Variants in WRAP73 observed in about 807,000 individuals in gnomAD.
The protein encoded by WRAP73 is WD repeat-containing protein WRAP73.
WRAP73 carries 55 observed loss-of-function variants against 59.6 expected under a neutral mutation model. That is an observed-to-expected ratio of 0.92 (90% CI 0.74 to 1.15). WRAP73 has a LOEUF of 1.15. Ranked by LOEUF, WRAP73 falls within the 50% of genes most tolerant of loss-of-function variation. The probability of loss-of-function intolerance (pLI) is 0.00; values close to 1 mark genes in which losing one functional copy is unlikely to be tolerated. For synonymous variants in WRAP73, 265 were observed against 258.2 expected (o/e 1.03, Z -0.25); for missense variants, 592 against 608.1 (o/e 0.97, Z 0.28).
Position 3,631,474 on chromosome 1 carries a change from G to A in WRAP73, c.1232C>T (p.Pro411Leu), listed in dbSNP as rs1644532112. 1 of 1,597,242 alleles carries A rather than the reference G, an allele frequency of 6.3e-7. No individual in the cohort carries two copies. The highest frequency in any genetic ancestry group is 1.3e-5 in the African/African-American group (1 of 74,664). ...CTCGGGGATGTGCTTACCTTCCCCA[G>A]GCACCTGCACCGACATGCAGCCCGC... ...SPAGCMSVQVPGEGDFAVLSL... is the reference protein window; with the variant it reads ...SPAGCMSVQVLGEGDFAVLSL... Residue 411 changes from proline (P) to leucine (L), a missense_variant, in exon 11 of 12, where the codon CCT becomes CTT. Transcript: ENST00000270708.
Position 3,631,052 on chromosome 1 carries a change from C to A in WRAP73, c.1306G>T (p.Asp436Tyr). The A allele has an allele frequency of 6.2e-7, 1 of 1,613,282 alleles. No homozygotes were observed. ...TCCAGGAAGCAGAGGCAGAAGTGAT[C>A]CTTGCTGAGGAGGGCCATCGAGTCT... ...SGDSMALLSK[D>Y]HFCLCFLETE... The change falls in exon 12 of 12, where the codon GAT becomes TAT. Residue 436 changes from aspartate (D) to tyrosine (Y), a missense_variant. Asp to Tyr is a radical substitution (Grantham distance 160). Transcript: ENST00000270708.
intron 2 of WRAP73, 71 bp downstream of exon 2, chr1:3,647,337 C>G: frequency 6.9e-7 from 1 of 1,443,032 alleles, no homozygotes; most frequent in Non-Finnish European, 9.2e-7. Flanking sequence ...TAGAAAGGCA[C>G]AGAACAAAAC....
chr1:3,647,204 C>G, intron 2 of WRAP73: 1 of 588,270 alleles, frequency 1.7e-6, no homozygotes, highest in Non-Finnish European at 2.8e-6. Context: ...CGTTTCTCAA[C>G]TATATTGCTT....
In WRAP73 at chr1:3,632,200, C is replaced by A; in HGVS notation, c.1048+13G>T. The stretch of plus-strand genomic sequence containing the variant: ...GTAAAGGGTGAGACAGCACCTGCGT[C>A]AGCACAACTGACCGTTCCTTGTCGC... On this transcript the variant is annotated intron_variant, in intron 10 of 11. Transcript: ENST00000270708. 6.2e-7 allele frequency: 1 copy of A among 1,609,156 alleles called. No individual in the cohort carries two copies. Among genetic ancestry groups the A allele is most frequent in the South Asian group, 1.1e-5 (1 of 90,294 alleles).
chr1:3,639,063 A>C lies in WRAP73; in HGVS notation c.340-241T>G. The C allele has an allele frequency of 2.0e-6, 1 of 505,236 alleles. No individual in the cohort carries two copies. Among genetic ancestry groups the C allele is most frequent in the Non-Finnish European group, 3.5e-6 (1 of 287,468 alleles). The allele number at this position is 505,236 out of a possible 1,614,324, so 31.3% of individuals were successfully genotyped here. ...TTGTTTTATACCAAAATTGAGTGAC[A>C]CAAAGTTAAATCCAAGTGCTTTTTC... On this transcript the variant is annotated intron_variant, in intron 3 of 11. Coordinates refer to ENST00000270708, the MANE Select transcript of WRAP73 (RefSeq NM_017818.4). This position sits in a 1 kb window ranked among gnomAD's most constrained non-coding sequence, Gnocchi z 4.3.
In WRAP73 at chr1:3,635,949, A is replaced by C. The variant is rs755596130; in HGVS notation, c.598T>G (p.Leu200Val). ...TCACCTGGTCATCTTCATACCTCCA[A>C]GCAGGTGTCCCACACTGCCAGCACA... ...GCVLAVWDTC[L>V]EYKILLYSLD... The change falls in exon 6 of 12, where the codon TTG (leucine) becomes GTG (valine). Residue 200 changes from leucine (L) to valine (V), a missense_variant. Coordinates refer to ENST00000270708, the MANE Select transcript of WRAP73 (RefSeq NM_017818.4). 1 of 1,613,708 alleles carries C rather than the reference A, an allele frequency of 6.2e-7. No homozygotes were observed. Among genetic ancestry groups the C allele is most frequent in the Admixed American group, 1.7e-5 (1 of 60,022 alleles).
intron 3 of WRAP73, among the ~76,000 whole-genome samples, chr1:3,642,854 G>T (rs1644659577): frequency 6.6e-6 from 1 of 152,040 alleles, no homozygotes; most frequent in South Asian, 2.1e-4. Context: ...GCGTCTGTGT[G>T]TAATGAAACA....
chr1:3,649,922 G>T lies in WRAP73; in HGVS notation c.69+9C>A. ...TGTCCTGCCCGTGGCCCAGGTCCCC[G>T]CCGCTCACCAGGTACTTGCCGTCCG... On this transcript the variant is annotated intron_variant, in intron 1 of 11. Coordinates refer to ENST00000270708, the MANE Select transcript of WRAP73 (RefSeq NM_017818.4). 1 of 1,596,526 alleles carries T rather than the reference G, an allele frequency of 6.3e-7. No individual in the cohort carries two copies. Among genetic ancestry groups the T allele is most frequent in the African/African-American group, 1.4e-5 (1 of 73,620 alleles).
In WRAP73 at chr1:3,646,676, G is replaced by A. The variant is rs1044976203; in HGVS notation, c.329C>T (p.Thr110Met). Residue 110 changes from threonine (T) to methionine (M), a missense_variant, in exon 3 of 12, where the codon ACG becomes ATG. Thr to Met is a moderately conservative substitution (Grantham distance 81). Coordinates refer to ENST00000270708, the MANE Select transcript of WRAP73 (RefSeq NM_017818.4). The surrounding 1 kb of genome is among the most constrained non-coding windows in gnomAD (Gnocchi z 5.1). ...GGGGCTGACACTTACATGGAATTCC[G>A]TGGTGTTGAGAATGTGGCGCCCGTC... ...SPDGRHILNT[T>M]EFHLRITVWS... The A allele has an allele frequency of 1.1e-5, 18 of 1,598,556 alleles. No individual in the cohort carries two copies. Among genetic ancestry groups the A allele is most frequent in the African/African-American group, 4.0e-5 (3 of 74,306 alleles).
At chr1:3,633,607 G>T in intron 8 of WRAP73, 104 bp from the exon 9 acceptor site, 1 of 867,918 alleles carries the variant, frequency 1.2e-6, no homozygotes, top group Non-Finnish European at 1.7e-6. Context: ...AGGTGTGCCT[G>T]CCATGACAGC....
At chr1:3,649,899 T>C in intron 1 of WRAP73, 32 bp downstream of exon 1, 2 of 1,579,932 alleles carry the variant, frequency 1.3e-6, no homozygotes, top group Non-Finnish European at 1.7e-6. Flanking sequence ...ACCGAGGATG[T>C]CCTGCCCGTG....
chr1:3,631,853 G>A (rs1016916181), intron 10 of WRAP73, 196 bp from the exon 11 acceptor site: 2 of 1,403,088 alleles, frequency 1.4e-6, no homozygotes, highest in Non-Finnish European at 1.8e-6. Flanking sequence ...ATCACGGGCT[G>A]TAAGGGGCCC....
At chr1:3,645,250 T>G (rs1329853798) in intron 3 of WRAP73, among the ~76,000 whole-genome samples, 1 of 152,198 alleles carries the variant, frequency 6.6e-6, no homozygotes, top group Non-Finnish European at 1.5e-5. Flanking sequence ...ACAGAGCATC[T>G]GCAGCCACAC....
intron 8 of WRAP73, 92 bp downstream of exon 8, chr1:3,634,905 T>G: frequency 6.9e-7 from 1 of 1,451,834 alleles, no homozygotes; most frequent in South Asian, 1.1e-5. Flanking sequence ...GGTTAAATAA[T>G]AAACCACAAT....
chr1:3,645,476 G>T (rs1247246231), intron 3 of WRAP73, among the ~76,000 whole-genome samples: 1 of 146,218 alleles, frequency 6.8e-6, no homozygotes, highest in Admixed American at 6.8e-5. Context: ...GGGACGGGCG[G>T]GTTGCCCCGT....
At chr1:3,640,112 G>T (rs181494123) in intron 3 of WRAP73, among the ~76,000 whole-genome samples, 1 of 152,350 alleles carries the variant, frequency 6.6e-6, no homozygotes, top group East Asian at 1.9e-4. Flanking sequence ...TGAACACACA[G>T]GTAGTGGATC....
At chr1:3,648,595 A>G (rs1302076951) in intron 1 of WRAP73, among the ~76,000 whole-genome samples, 5 of 152,236 alleles carry the variant, frequency 3.3e-5, no homozygotes, top group Non-Finnish European at 7.3e-5. Context: ...CAAGATATGA[A>G]AACTAGAAAC....
Position 3,646,635 on chromosome 1 carries a change from G to T in WRAP73, c.339+31C>A. ...CGAGAGCAGAGGACAGGATCACATG[G>T]CCAGTAAGGTGTCTTGGGGCTGACA... is the stretch of plus-strand genomic sequence containing the variant. On this transcript the variant is annotated intron_variant, in intron 3 of 11. Coordinates refer to ENST00000270708, the MANE Select transcript of WRAP73 (RefSeq NM_017818.4). The surrounding 1 kb of genome is among the most constrained non-coding windows in gnomAD (Gnocchi z 5.1). 6.4e-7 allele frequency: 1 copy of T among 1,552,790 alleles called. No individual in the cohort carries two copies. Among genetic ancestry groups the T allele is most frequent in the Non-Finnish European group, 8.8e-7 (1 of 1,133,410 alleles).
At chr1:3,647,962 CA>C (rs1644706725) in intron 1 of WRAP73, among the ~76,000 whole-genome samples, 1 of 152,152 alleles carries the variant, frequency 6.6e-6, no homozygotes, top group African/African-American at 2.4e-5. Context: ...ACAATTTCCT[CA>C]AATTTATAAA....
Sources: gnomAD v4.1 joint callset for allele counts (sites outside exome capture counted in the v4.1 genomes callset) on GRCh38, gnomAD v4.1.1 for gene constraint, Gnocchi (gnomAD v3.1) non-coding constraint, MANE v1.5 for transcripts, NCBI Gene and HGNC (gene_info 2026-07-23, HGNC 2026-07-21) for gene names.